AMN1: variants seen among roughly 807,000 people sequenced by gnomAD.
AMN1 encodes the protein protein AMN1 homolog.
In AMN1, 20 loss-of-function variants were observed where a neutral mutation model predicts 33.0. The ratio of observed to expected loss-of-function variants is 0.61; its 90% CI spans 0.43 to 0.88. The LOEUF is 0.88. Ranked by LOEUF, AMN1 falls within the 40% of genes least tolerant of loss-of-function variation. AMN1 has a pLI of 0.00. For missense variants in AMN1, 246 were observed against 307.4 expected, an observed-to-expected ratio of 0.80 and a Z score of 1.49; for synonymous variants, 114 against 111.9, an observed-to-expected ratio of 1.02 and a Z score of -0.12.
chr12:31,680,097 G>A (rs1248668385), intron 6 of AMN1, among the ~76,000 whole-genome samples: 3 of 110,950 alleles, frequency 2.7e-5, no homozygotes, highest in Non-Finnish European at 4.0e-5. Context: ...CACTCCAGGC[G>A]GCAACAAAGA....
At chr12:31,702,446 A>C (rs1939047854) in intron 2 of AMN1, among the ~76,000 whole-genome samples, 1 of 152,166 alleles carries the variant, frequency 6.6e-6, no homozygotes, top group Non-Finnish European at 1.5e-5. Flanking sequence ...TTTACCTTCT[A>C]TATCATTATT....
intron 6 of AMN1, among the ~76,000 whole-genome samples, chr12:31,675,993 G>T (rs1380062704): frequency 6.6e-6 from 1 of 151,748 alleles, no homozygotes; most frequent in Non-Finnish European, 1.5e-5. Context: ...TAGAATAAAT[G>T]AGTTCAGCAA....
chr12:31,682,775 G>C (rs557873135), intron 6 of AMN1, among the ~76,000 whole-genome samples: 1 of 152,202 alleles, frequency 6.6e-6, no homozygotes, highest in South Asian at 2.1e-4. Context: ...AAACAACACA[G>C]GGCCCCAAAG....
chr12:31,679,178 A>T (rs910833726), intron 6 of AMN1, among the ~76,000 whole-genome samples: 1 of 152,086 alleles, frequency 6.6e-6, no homozygotes, highest in Non-Finnish European at 1.5e-5. Context: ...AATTTAAAAT[A>T]CTGTTTTGGC....
At chr12:31,724,322 A>C (rs746605347) in intron 1 of AMN1, among the ~76,000 whole-genome samples, 4 of 152,208 alleles carry the variant, frequency 2.6e-5, no homozygotes, top group Non-Finnish European at 5.9e-5. Context: ...ATTGTTAAGT[A>C]ATATCAGGGT....
At chr12:31,725,496 T>C (rs1421903378) in intron 1 of AMN1, among the ~76,000 whole-genome samples, 1 of 152,196 alleles carries the variant, frequency 6.6e-6, no homozygotes, top group Non-Finnish European at 1.5e-5. Flanking sequence ...CATCATATGG[T>C]GAATTGATCT....
At chr12:31,715,265 A>T (rs75718391) in intron 1 of AMN1, 3 of 164,282 alleles carry the variant, frequency 1.8e-5, no homozygotes, top group Non-Finnish European at 4.1e-5. Context: ...GGAGCAAAAA[A>T]TAAAATGACA....
chr12:31,707,394 AG>A (rs1939287570), intron 2 of AMN1, among the ~76,000 whole-genome samples: 1 of 152,216 alleles, frequency 6.6e-6, no homozygotes, highest in Non-Finnish European at 1.5e-5. Context: ...GGAGCTGACC[AG>A]AACAACACCA....
intron 2 of AMN1, among the ~76,000 whole-genome samples, chr12:31,705,862 A>T (rs1004454808): frequency 2.6e-5 from 4 of 152,180 alleles, no homozygotes; most frequent in African/African-American, 9.7e-5. Context: ...TGACAGAAGG[A>T]TGCAAGTTAG....
chr12:31,714,039 T>C (rs1939575400), intron 1 of AMN1, among the ~76,000 whole-genome samples: 1 of 152,022 alleles, frequency 6.6e-6, no homozygotes, highest in African/African-American at 2.4e-5. Flanking sequence ...TTTTAAAATA[T>C]AAATAAAGTT....
chr12:31,706,310 T>TC (rs1939236279), intron 2 of AMN1, among the ~76,000 whole-genome samples: 1 of 47,530 alleles, frequency 2.1e-5, no homozygotes, highest in Non-Finnish European at 3.8e-5. Context: ...AGACTCCGTC[T>TC]CAAAAAAAAA....
intron 2 of AMN1, among the ~76,000 whole-genome samples, chr12:31,703,889 A>AC (rs528021094): frequency 6.3e-4 from 96 of 152,270 alleles, no homozygotes; most frequent in African/African-American, 2.2e-3. Context: ...AGACTGCCCA[A>AC]CCTGGAACCC....
chr12:31,704,756 C>T (rs976735667), intron 2 of AMN1, among the ~76,000 whole-genome samples: 1 of 151,980 alleles, frequency 6.6e-6, no homozygotes, highest in Admixed American at 6.6e-5. Flanking sequence ...GGGAGAGTAC[C>T]CAGAAAAATC....
intron 6 of AMN1, among the ~76,000 whole-genome samples, chr12:31,676,993 T>A (rs1565759114): frequency 6.6e-6 from 1 of 151,468 alleles, no homozygotes; most frequent in Non-Finnish European, 1.5e-5. Context: ...TGGCAGAACA[T>A]TTTATAGAAA....
chr12:31,707,133 CA>C (rs1939275927), intron 2 of AMN1, among the ~76,000 whole-genome samples: 1 of 152,008 alleles, frequency 6.6e-6, no homozygotes, highest in Non-Finnish European at 1.5e-5. Context: ...GAATGGATTA[CA>C]AAATCAGTTT....
At chr12:31,725,342 A>C (rs542150144) in intron 1 of AMN1, among the ~76,000 whole-genome samples, 1 of 152,362 alleles carries the variant, frequency 6.6e-6, no homozygotes, top group East Asian at 1.9e-4. Context: ...CTCATTTCTC[A>C]AGACAAAATG....
intron 5 of AMN1, among the ~76,000 whole-genome samples, chr12:31,695,644 C>A (rs1214255478): frequency 2.0e-5 from 3 of 151,800 alleles, no homozygotes; most frequent in Non-Finnish European, 4.4e-5. Context: ...TGCCACCATG[C>A]CCAGCTAATT....
chr12:31,710,551 TACACACACACACACACACAC>T (rs112841301), intron 1 of AMN1, among the ~76,000 whole-genome samples: 1 of 147,426 alleles, frequency 6.8e-6, no homozygotes, highest in Non-Finnish European at 1.5e-5. Flanking sequence ...TCTGTTCTTG[TACACACACACACACACACAC>T]ACACACACAC....
intron 3 of AMN1, among the ~76,000 whole-genome samples, chr12:31,699,395 C>CAAAAAAAAAAAAAAAAAAAA (rs34860207): frequency 3.8e-4 from 14 of 36,866 alleles, no homozygotes; most frequent in South Asian, 3.4e-3. Flanking sequence ...GACTCTGTCT[C>CAAAAAAAAAAAAAAAAAAAA]AAAAAAAAAA....
Sources: allele counts gnomAD v4.1 joint callset (sites outside exome capture counted in the v4.1 genomes callset), GRCh38; gene constraint gnomAD v4.1.1; transcripts MANE v1.5; gene names NCBI Gene and HGNC (gene_info 2026-07-23, HGNC 2026-07-21).